Variants in ERG observed in about 807,000 individuals in gnomAD.
ERG encodes ETS transcription factor ERG, also known as transcriptional regulator ERG.
In ERG, 9 loss-of-function variants were observed where a neutral mutation model predicts 55.3. The observed-to-expected ratio is 0.16, with a 90% CI of 0.10 to 0.28. ERG has a LOEUF of 0.28. Among genes scored for constraint, ERG ranks in the 10% least tolerant of loss-of-function variants. The pLI is 1.00. For missense variants in ERG, 434 were observed against 631.6 expected, an observed-to-expected ratio of 0.69 and a Z score of 3.35; for synonymous variants, 223 against 237.3, an observed-to-expected ratio of 0.94 and a Z score of 0.55.
chr21:38,445,016 T>C (rs1457811537), intron 2 of ERG, among the ~76,000 whole-genome samples: 5 of 152,044 alleles, frequency 3.3e-5, no homozygotes, highest in African/African-American at 1.2e-4. Flanking sequence ...TCAAAGAGAG[T>C]TCTTGGTAAA....
At chr21:38,559,383 CTTTTTTT>C (rs574207119) in intron 2 of ERG, among the ~76,000 whole-genome samples, 6 of 92,062 alleles carry the variant, frequency 6.5e-5, no homozygotes, top group South Asian at 8.8e-4. Flanking sequence ...TCCCATTTCC[CTTTTTTT>C]TTTTTTTTTT....
intron 2 of ERG, 48 bp downstream of exon 2, chr21:38,445,355 GA>G: frequency 6.7e-7 from 1 of 1,489,126 alleles, no homozygotes; most frequent in Non-Finnish European, 9.3e-7. Flanking sequence ...CTTTGCAAAG[GA>G]TAGGAAAATG....
chr21:38,525,390 T>C (rs934718990), intron 2 of ERG, among the ~76,000 whole-genome samples: 12 of 152,156 alleles, frequency 7.9e-5, no homozygotes, highest in African/African-American at 2.9e-4. Context: ...CCTTCCACAG[T>C]CACTCAAGCT....
At chr21:38,522,131 G>C (rs1172551754) in intron 2 of ERG, among the ~76,000 whole-genome samples, 10 of 152,000 alleles carry the variant, frequency 6.6e-5, no homozygotes, top group Non-Finnish European at 1.5e-5. Flanking sequence ...TTTCGTAAGT[G>C]GTCCCCTTCC....
intron 1 of ERG, among the ~76,000 whole-genome samples, chr21:38,620,273 T>C (rs569492013): frequency 6.6e-6 from 1 of 152,088 alleles, no homozygotes; most frequent in African/African-American, 2.4e-5. Flanking sequence ...GATGAAGAGG[T>C]TATGCAACAG....
intron 2 of ERG, among the ~76,000 whole-genome samples, chr21:38,568,286 AT>A (rs2146849464): frequency 6.6e-6 from 1 of 152,324 alleles, no homozygotes; most frequent in African/African-American, 2.4e-5. Context: ...TGGTGTGCAT[AT>A]TATTATATTG....
Position 38,523,470 on chromosome 21 carries a change from G to A in ERG, c.-41+52192C>T, listed in dbSNP as rs2059609045. ...CCCCGAAAAATATTTAGAAAAAACAGACTCAATCCTTTATCCAAAGTCAGT... is the reference window on the plus strand; with the variant it reads ...CCCCGAAAAATATTTAGAAAAAACAAACTCAATCCTTTATCCAAAGTCAGT... On this transcript the variant is annotated intron_variant, in intron 2 of 8. Coordinates refer to the ERG transcript ENST00000398897. Among the ~76,000 whole-genome samples the A allele has an allele frequency of 2.6e-5, 4 of 152,140 alleles. No individual in the cohort carries two copies. The South Asian group carries it at 8.3e-4, about 32-fold the overall frequency.
chr21:38,454,731 T>C (rs2058971868), intron 1 of ERG, among the ~76,000 whole-genome samples: 1 of 152,246 alleles, frequency 6.6e-6, no homozygotes, highest in Admixed American at 6.5e-5. Context: ...ATTCTAGTCA[T>C]ATTATTCTAA....
intron 2 of ERG, among the ~76,000 whole-genome samples, chr21:38,438,212 C>T (rs559946699): frequency 7.9e-5 from 12 of 152,320 alleles, no homozygotes; most frequent in African/African-American, 2.9e-4. Context: ...TGATCTTCTC[C>T]AGCCACCTTC....
At chr21:38,614,803 C>G (rs2060249308) in intron 1 of ERG, among the ~76,000 whole-genome samples, 1 of 152,238 alleles carries the variant, frequency 6.6e-6, no homozygotes, top group Admixed American at 6.5e-5. Context: ...GTGGCCTCAG[C>G]AGGGAGTCCC....
At chr21:38,658,599 T>C (rs2060533693) in intron 1 of ERG, among the ~76,000 whole-genome samples, 1 of 152,108 alleles carries the variant, frequency 6.6e-6, no homozygotes, top group East Asian at 1.9e-4. Context: ...AAAAAAAAAG[T>C]GTTGAAAGTT....
the ERG span, among the ~76,000 whole-genome samples, chr21:38,370,899 A>G: frequency 2.0e-5 from 3 of 152,002 alleles, no homozygotes; most frequent in Admixed American, 1.3e-4. Context: ...GGCCTGTGCA[A>G]TCTGGCCCTC....
chr21:38,630,125 T>G (rs1456817787), intron 1 of ERG, among the ~76,000 whole-genome samples: 2 of 152,072 alleles, frequency 1.3e-5, no homozygotes, highest in African/African-American at 4.8e-5. Flanking sequence ...GGAATTAGTG[T>G]TCAACAGGTA....
downstream of ERG, among the ~76,000 whole-genome samples, chr21:38,379,717 C>T (rs1327553078): frequency 6.6e-6 from 1 of 152,062 alleles, no homozygotes; most frequent in Non-Finnish European, 1.5e-5. Context: ...TTCTATATAG[C>T]ATTAATCTGG....
chr21:38,503,771 G>A (rs2059439176), intron 2 of ERG, among the ~76,000 whole-genome samples: 1 of 152,168 alleles, frequency 6.6e-6, no homozygotes. Flanking sequence ...GCCTGAGATT[G>A]TAGATAAGAA....
chr21:38,458,423 C>CAAAAA (rs35307490), intron 1 of ERG, among the ~76,000 whole-genome samples: 6 of 83,712 alleles, frequency 7.2e-5, no homozygotes, highest in African/African-American at 1.4e-4. Flanking sequence ...GACTCTGGCT[C>CAAAAA]AAAAAAAAAA....
chr21:38,582,574 A>G (rs965053003), intron 1 of ERG, among the ~76,000 whole-genome samples: 2 of 152,198 alleles, frequency 1.3e-5, no homozygotes, highest in African/African-American at 4.8e-5. Context: ...CCATTGTTTG[A>G]TTATCTCCTC....
chr21:38,598,754 G>A (rs773360007), intron 1 of ERG, among the ~76,000 whole-genome samples: 4 of 152,200 alleles, frequency 2.6e-5, no homozygotes. Flanking sequence ...TCGCAGAGGG[G>A]AGCAGGGTGG....
chr21:38,542,710 A>C (rs569951382), intron 2 of ERG, among the ~76,000 whole-genome samples: 3 of 152,232 alleles, frequency 2.0e-5, no homozygotes, highest in Admixed American at 1.3e-4. Context: ...ACGACACTTA[A>C]AACTGTGAGG....
Sources: gnomAD v4.1 joint callset for allele counts (sites outside exome capture counted in the v4.1 genomes callset) on GRCh38, gnomAD v4.1.1 for gene constraint, MANE v1.5 for transcripts, NCBI Gene and HGNC (gene_info 2026-07-23, HGNC 2026-07-21) for gene names.